The following PIK3C2G variants were observed in gnomAD, a reference collection of about 807,000 sequenced individuals.
PIK3C2G encodes phosphatidylinositol-4-phosphate 3-kinase catalytic subunit type 2 gamma, also known as phosphatidylinositol 3-kinase C2 domain-containing subunit gamma.
A neutral mutation model predicts 181.1 loss-of-function variants in PIK3C2G; 168 were observed. The ratio of observed to expected loss-of-function variants is 0.93; its 90% CI spans 0.82 to 1.05. The LOEUF (loss-of-function observed/expected upper bound fraction) is 1.05. Ranked by LOEUF, PIK3C2G falls within the 50% of genes least tolerant of loss-of-function variation. The pLI is 0.00. For synonymous variants in PIK3C2G, 573 were observed against 592.2 expected (o/e 0.97, Z 0.47); for missense variants, 1,869 against 1,732.8 (o/e 1.08, Z -1.40).
intron 18 of PIK3C2G, among the ~76,000 whole-genome samples, chr12:18,430,474 T>C (rs1946094218): frequency 6.6e-6 from 1 of 152,200 alleles, no homozygotes. Context: ...TAAGGATCTT[T>C]TTTCTGCTTT....
intron 11 of PIK3C2G, among the ~76,000 whole-genome samples, chr12:18,356,629 T>TG (rs1940761605): frequency 6.6e-6 from 1 of 151,818 alleles, no homozygotes; most frequent in Non-Finnish European, 1.5e-5. Context: ...ATGGTAAATG[T>TG]GGGGGATTTC....
chr12:18,429,276 G>A (rs1350710503), intron 18 of PIK3C2G, among the ~76,000 whole-genome samples: 3 of 152,106 alleles, frequency 2.0e-5, no homozygotes, highest in Non-Finnish European at 2.9e-5. Context: ...GGTTCTCCCC[G>A]GAGCCTTGGG....
At chr12:18,364,227 C>T (rs1258707147) in intron 12 of PIK3C2G, among the ~76,000 whole-genome samples, 4 of 152,214 alleles carry the variant, frequency 2.6e-5, no homozygotes, top group Admixed American at 2.0e-4. Flanking sequence ...TGCATCTGAT[C>T]TATTTACCCT....
At chr12:18,434,970 T>C (rs1476517433) in intron 18 of PIK3C2G, among the ~76,000 whole-genome samples, 4 of 151,720 alleles carry the variant, frequency 2.6e-5, no homozygotes, top group African/African-American at 9.7e-5. Flanking sequence ...ATTTAACCTA[T>C]GGGTACATTT....
At chr12:18,353,774 GA>G in intron 11 of PIK3C2G, among the ~76,000 whole-genome samples, 1 of 152,182 alleles carries the variant, frequency 6.6e-6, no homozygotes, top group Non-Finnish European at 1.5e-5. Context: ...ACCAGAATCA[GA>G]AGATAGAGAT....
At chr12:18,626,776 G>C (rs1031178183) in intron 31 of PIK3C2G, among the ~76,000 whole-genome samples, 1 of 151,906 alleles carries the variant, frequency 6.6e-6, no homozygotes, top group African/African-American at 2.4e-5. Context: ...TAAGAAGTTT[G>C]CTGGTAGTTG....
At chr12:18,704,734 G>A in the PIK3C2G span, among the ~76,000 whole-genome samples, 2 of 152,056 alleles carry the variant, frequency 1.3e-5, no homozygotes, top group African/African-American at 4.8e-5. Flanking sequence ...AAATTAAGAC[G>A]GAAAGGGTCA....
chr12:18,452,078 G>A (rs1431499762), intron 18 of PIK3C2G, among the ~76,000 whole-genome samples: 1 of 152,172 alleles, frequency 6.6e-6, no homozygotes, highest in Non-Finnish European at 1.5e-5. Flanking sequence ...GCATGATGCT[G>A]GCCTCATAAA....
At chr12:18,527,690 AG>A (rs890420672) in intron 24 of PIK3C2G, among the ~76,000 whole-genome samples, 65 of 147,690 alleles carry the variant, frequency 4.4e-4, no homozygotes, top group African/African-American at 1.6e-3. Context: ...AAAAAAAAAA[AG>A]TGGGCAGTTG....
rs1367678661 is a variant in PIK3C2G at position 18,346,777 on chromosome 12, T to C, written c.1566T>C (p.Pro522=). The C allele has an allele frequency of 6.2e-7, 1 of 1,613,732 alleles. No individual in the cohort carries two copies. Among genetic ancestry groups the C allele is most frequent in the Admixed American group, 1.7e-5 (1 of 59,950 alleles). Residue 522 remains proline (P), a synonymous_variant, in exon 11 of 33, where the codon CCT becomes CCC. Coordinates refer to ENST00000538779, the MANE Select transcript of PIK3C2G (RefSeq NM_001288772.2). ...RCTSYLNPGL[P]SHLSFTVYAA... is the part of the protein sequence containing the mutation. ...CTTCCTATCTAAATCCCGGGCTTCCTTCCCACCTCAGCTTCACAGTGTATG... is the reference window on the plus strand; with the variant it reads ...CTTCCTATCTAAATCCCGGGCTTCCCTCCCACCTCAGCTTCACAGTGTATG...
intron 1 of PIK3C2G, among the ~76,000 whole-genome samples, chr12:18,271,001 C>T (rs1052095509): frequency 4.0e-5 from 6 of 151,798 alleles, no homozygotes; most frequent in African/African-American, 1.5e-4. Flanking sequence ...CTTCCTTTAC[C>T]CTCTTTTTGT....
intron 5 of PIK3C2G, among the ~76,000 whole-genome samples, 199 bp downstream of exon 5, chr12:18,294,214 T>A (rs190719071): frequency 6.6e-6 from 1 of 152,194 alleles, no homozygotes; most frequent in Admixed American, 6.5e-5. Context: ...TTATGACTAC[T>A]TATGAAAACA....
intron 14 of PIK3C2G, among the ~76,000 whole-genome samples, chr12:18,386,064 C>G (rs989842243): frequency 2.0e-5 from 3 of 152,018 alleles, no homozygotes; most frequent in African/African-American, 7.3e-5. Context: ...TGAACTTTCT[C>G]CCTCCTCCTT....
At position 18,282,048 on chromosome 12, in the gene PIK3C2G, CAG is replaced by C. The variant is rs1591818466; in HGVS notation, c.-31_-30del. 1 of 1,241,798 alleles carries C rather than the reference CAG, an allele frequency of 8.1e-7. No individual in the cohort carries two copies. Among genetic ancestry groups the C allele is most frequent in the South Asian group, 1.4e-5 (1 of 71,332 alleles). 76.9% of individuals were successfully genotyped at this position (1,241,798 alleles called of 1,614,324 possible). A position where few individuals can be genotyped will look rare whatever the true frequency, so the allele number is the denominator to read the frequency against. On this transcript the variant is annotated 5_prime_UTR_variant, in exon 2 of 33. An upstream open reading frame in the 5' UTR loses its in-frame stop. Transcript: ENST00000538779. ...TGTATTATCAAGGAGATATTTGGAG[CAG>C]AGTCAACCCTCTCAGTTACATAAAA...
chr12:18,438,080 C>T (rs912650883), intron 18 of PIK3C2G, among the ~76,000 whole-genome samples: 2 of 151,796 alleles, frequency 1.3e-5, no homozygotes, highest in African/African-American at 4.8e-5. Context: ...AGGCAGCTAC[C>T]ACAAACACTA....
chr12:18,330,195 C>A (rs1937782148), intron 8 of PIK3C2G, among the ~76,000 whole-genome samples: 2 of 151,628 alleles, frequency 1.3e-5, no homozygotes, highest in Admixed American at 1.3e-4. Flanking sequence ...TAAAATGCAC[C>A]CATGTTAAGT....
intron 24 of PIK3C2G, among the ~76,000 whole-genome samples, chr12:18,526,237 A>G (rs1425829120): frequency 2.0e-5 from 3 of 152,306 alleles, no homozygotes; most frequent in African/African-American, 7.2e-5. Flanking sequence ...AATGATAGGT[A>G]ATAATAATCT....
At chr12:18,600,414 CAG>C (rs1592686777) in intron 30 of PIK3C2G, among the ~76,000 whole-genome samples, 1 of 151,934 alleles carries the variant, frequency 6.6e-6, no homozygotes. Flanking sequence ...AAACTATGCT[CAG>C]AGGAATATTG....
At chr12:18,600,210 C>A (rs574784166) in intron 30 of PIK3C2G, among the ~76,000 whole-genome samples, 1 of 151,704 alleles carries the variant, frequency 6.6e-6, no homozygotes, top group Non-Finnish European at 1.5e-5. Context: ...AGTTGAAATT[C>A]TTTAATCATT....
Sources: gnomAD v4.1 joint callset for allele counts (sites outside exome capture counted in the v4.1 genomes callset) on GRCh38, gnomAD v4.1.1 for gene constraint, MANE v1.5 for transcripts, NCBI Gene and HGNC (gene_info 2026-07-23, HGNC 2026-07-21) for gene names.